CEP63: variants seen among roughly 807,000 people sequenced by gnomAD.
CEP63 encodes the protein centrosomal protein of 63 kDa.
A neutral mutation model predicts 89.1 loss-of-function variants in CEP63; 84 were observed. The observed-to-expected ratio is 0.94, with a 90% CI of 0.79 to 1.13. The LOEUF (loss-of-function observed/expected upper bound fraction) is 1.13. Among genes scored for constraint, CEP63 ranks in the 50% most tolerant of loss-of-function variants. CEP63 has a pLI of 0.00. For missense variants in CEP63, 838 were observed against 813.3 expected, an observed-to-expected ratio of 1.03 and a Z score of -0.37; for synonymous variants, 267 against 272.5, an observed-to-expected ratio of 0.98 and a Z score of 0.20.
the CEP63 span, among the ~76,000 whole-genome samples, chr3:134,720,404 A>AT: frequency 3.4e-3 from 525 of 152,180 alleles, 5 homozygotes; most frequent in African/African-American, 0.012. Flanking sequence ...TTCTCCTATT[A>AT]TTTGGTTTGT....
chr3:134,540,816 C>T (rs1358438001), intron 6 of CEP63, among the ~76,000 whole-genome samples: 1 of 145,492 alleles, frequency 6.9e-6, no homozygotes, highest in Non-Finnish European at 1.5e-5. Context: ...TGAGATGGAG[C>T]CTCGGTTGCC....
intron 3 of CEP63, among the ~76,000 whole-genome samples, chr3:134,509,866 A>G (rs1166848880): frequency 6.6e-6 from 1 of 152,220 alleles, no homozygotes; most frequent in Non-Finnish European, 1.5e-5. Context: ...TATAAATCTA[A>G]TATGTATTTA....
chr3:134,764,862 C>T, the CEP63 span, among the ~76,000 whole-genome samples: 1 of 152,170 alleles, frequency 6.6e-6, no homozygotes, highest in Non-Finnish European at 1.5e-5. Flanking sequence ...AAACCATCCC[C>T]AAGACCTCTG....
At chr3:134,579,718 A>G (rs1181688505), downstream of CEP63, among the ~76,000 whole-genome samples, 1 of 152,240 alleles carries the variant, frequency 6.6e-6, no homozygotes, top group Non-Finnish European at 1.5e-5. Flanking sequence ...AAGAATATAT[A>G]TCCACATTTG....
the CEP63 span, among the ~76,000 whole-genome samples, chr3:134,668,783 C>T: frequency 1.4e-4 from 22 of 152,050 alleles, no homozygotes; most frequent in Admixed American, 1.1e-3. Flanking sequence ...CCATTTTTCC[C>T]TTGGATTGGT....
At chr3:134,714,951 T>C in the CEP63 span, among the ~76,000 whole-genome samples, 1 of 152,168 alleles carries the variant, frequency 6.6e-6, no homozygotes. Flanking sequence ...GCATAAAGTG[T>C]CATGGGACCA....
At chr3:134,667,657 C>T in the CEP63 span, among the ~76,000 whole-genome samples, 1 of 152,224 alleles carries the variant, frequency 6.6e-6, no homozygotes, top group African/African-American at 2.4e-5. Context: ...TCAGCTGTGG[C>T]CGCTCCCACA....
the CEP63 span, among the ~76,000 whole-genome samples, chr3:134,666,887 C>T: frequency 6.6e-6 from 1 of 152,190 alleles, no homozygotes; most frequent in African/African-American, 2.4e-5. Context: ...GTAACACACC[C>T]AAGGTCACAA....
intron 3 of CEP63, among the ~76,000 whole-genome samples, chr3:134,529,912 C>T (rs369443998): frequency 7.4e-5 from 9 of 122,224 alleles, no homozygotes; most frequent in East Asian, 7.2e-4. Flanking sequence ...CTTGCTCTGT[C>T]GCCCAGGCTG....
rs146083534 is a variant in CEP63 at position 134,573,118 on chromosome 3, G to C, written c.1330-1675G>C. Among the ~76,000 whole-genome samples, 906 of 152,090 alleles carry C rather than the reference G, an allele frequency of 6.0e-3. 22 individuals carry two copies. In the South Asian group the frequency reaches 0.074, roughly 12 times the overall value. ...TGTTTAATGGGGTTGTTTGCTTTTT[G>C]CTTGTTGAGTTGTTTAAGTTCCTTA... On this transcript the variant is annotated intron_variant, in intron 11 of 11. Transcript: ENST00000354446.
chr3:134,778,416 G>C, the CEP63 span, among the ~76,000 whole-genome samples: 42 of 147,912 alleles, frequency 2.8e-4, 1 homozygote, highest in South Asian at 4.5e-3. Flanking sequence ...CTTTTTGACT[G>C]TTTCATGATA....
chr3:134,532,926 A>G (rs376732231), intron 5 of CEP63, 26 bp downstream of exon 5: 7 of 1,611,750 alleles, frequency 4.3e-6, no homozygotes, highest in East Asian at 2.2e-5. Flanking sequence ...TAATTTGTTC[A>G]TAGTGATTGT....
At chr3:134,646,742 G>A in the CEP63 span, among the ~76,000 whole-genome samples, 2 of 152,124 alleles carry the variant, frequency 1.3e-5, no homozygotes, top group East Asian at 1.9e-4. Context: ...ACATAGCTGC[G>A]GGCTGATGGA....
chr3:134,756,046 G>A, the CEP63 span, among the ~76,000 whole-genome samples: 1 of 152,240 alleles, frequency 6.6e-6, no homozygotes, highest in African/African-American at 2.4e-5. Context: ...AGGTTGTATA[G>A]AGGAGCTTCT....
chr3:134,616,874 C>T, the CEP63 span, among the ~76,000 whole-genome samples: 1 of 152,164 alleles, frequency 6.6e-6, no homozygotes. Flanking sequence ...GGGTTGGTAA[C>T]CCCCAAACTG....
the CEP63 span, among the ~76,000 whole-genome samples, chr3:134,678,653 G>A: frequency 6.6e-6 from 1 of 152,150 alleles, no homozygotes; most frequent in Non-Finnish European, 1.5e-5. Context: ...TTCTATAAGT[G>A]TCCTCATTTT....
chr3:134,731,879 CAAT>C, the CEP63 span, among the ~76,000 whole-genome samples: 9 of 152,192 alleles, frequency 5.9e-5, no homozygotes, highest in South Asian at 1.7e-3. Context: ...AAAAGTTTGA[CAAT>C]AAGTGCAAAA....
At chr3:134,613,757 A>T in the CEP63 span, among the ~76,000 whole-genome samples, 2 of 152,220 alleles carry the variant, frequency 1.3e-5, no homozygotes, top group Non-Finnish European at 2.9e-5. Context: ...TTGGACAAAG[A>T]AGGTCATAAT....
At chr3:134,635,448 G>C in the CEP63 span, among the ~76,000 whole-genome samples, 6 of 140,144 alleles carry the variant, frequency 4.3e-5, no homozygotes, top group African/African-American at 8.1e-5. Context: ...AGTGAGCCGA[G>C]ATCGTGCCAC....
Sources: gnomAD v4.1 joint callset for allele counts (sites outside exome capture counted in the v4.1 genomes callset) on GRCh38, gnomAD v4.1.1 for gene constraint, MANE v1.5 for transcripts, NCBI Gene and HGNC (gene_info 2026-07-23, HGNC 2026-07-21) for gene names.